The following DDX60L variants were observed in gnomAD, a reference collection of about 807,000 sequenced individuals.
The protein encoded by DDX60L is DExD/H-box 60 like, also known as probable ATP-dependent RNA helicase DDX60-like.
A neutral mutation model predicts 211.6 loss-of-function variants in DDX60L; 191 were observed. The observed-to-expected ratio is 0.90, with a 90% CI of 0.80 to 1.02. DDX60L has a LOEUF of 1.02. Among genes scored for constraint, DDX60L ranks in the 50% least tolerant of loss-of-function variants. The pLI, the probability that DDX60L is intolerant of heterozygous loss-of-function variation, is 0.00. For missense variants in DDX60L, 2,007 were observed against 1,984.1 expected (o/e 1.01, Z -0.22); for synonymous variants, 706 against 694.1 (o/e 1.02, Z -0.27).
At chr4:168,438,232 T>G (rs1753340939) in intron 10 of DDX60L, among the ~76,000 whole-genome samples, 1 of 152,308 alleles carries the variant, frequency 6.6e-6, no homozygotes, top group East Asian at 1.9e-4. Flanking sequence ...CATCTCCAAA[T>G]CTACCTATAA....
intron 4 of DDX60L, 90 bp from the exon 5 acceptor site, chr4:168,462,130 G>A (rs759875101): frequency 1.9e-5 from 18 of 947,776 alleles, no homozygotes; most frequent in Non-Finnish European, 2.5e-5. Context: ...AAGCTATACA[G>A]GACTGAACTC....
At chr4:168,396,999 A>C (rs1311956466) in intron 26 of DDX60L, among the ~76,000 whole-genome samples, 1 of 152,196 alleles carries the variant, frequency 6.6e-6, no homozygotes, top group Non-Finnish European at 1.5e-5. Context: ...GAGGTGATTA[A>C]GTCACGAAGA....
chr4:168,371,473 A>T (rs951864999), intron 36 of DDX60L, 139 bp downstream of exon 36: 4 of 284,416 alleles, frequency 1.4e-5, no homozygotes, highest in Non-Finnish European at 2.4e-5. Flanking sequence ...TCTATTTAAA[A>T]ATATATAATA....
At chr4:168,466,500 C>A (rs1758005518) in intron 4 of DDX60L, among the ~76,000 whole-genome samples, 1 of 152,110 alleles carries the variant, frequency 6.6e-6, no homozygotes, top group Non-Finnish European at 1.5e-5. Context: ...ATCAGAGATA[C>A]AACAATGACA....
Position 168,471,760 on chromosome 4 carries a change from A to G in DDX60L, c.251T>C (p.Ile84Thr). ...DLLSNGGQFT[I>T]VFFKDAEYAY... ...ATCATATATTACCTTAAAGAAAACT[A>G]TGGTGAATTGTCCTCCGTTACTCAG... The change falls in exon 4 of 38, where the codon ATA becomes ACA. Residue 84 changes from isoleucine to threonine, a missense_variant. Physicochemically the swap from Ile to Thr is moderately conservative, Grantham distance 89. Transcript: ENST00000682922. 4 of 1,594,696 alleles carry G rather than the reference A, an allele frequency of 2.5e-6. No homozygotes were observed. The highest frequency in any genetic ancestry group is 3.4e-6 in the Non-Finnish European group (4 of 1,175,528).
At chr4:168,389,521 AAGGTGC>A (rs1378008565) in intron 29 of DDX60L, among the ~76,000 whole-genome samples, 1 of 152,172 alleles carries the variant, frequency 6.6e-6, no homozygotes, top group Non-Finnish European at 1.5e-5. Context: ...AGAAGGAAGG[AAGGTGC>A]ATAGCTTCAT....
rs758283623 is a variant in DDX60L at position 168,404,124 on chromosome 4, A to G, written c.3214-18T>C. The G allele has an allele frequency of 7.8e-7, 1 of 1,276,676 alleles. No homozygotes were observed. The allele number at this position is 1,276,676 out of a possible 1,614,324, so 79.1% of individuals were successfully genotyped here. On this transcript the variant is annotated intron_variant, in intron 24 of 37. Transcript: ENST00000682922. ...CTTTTGACCTACAACAGTAAGTAAA[A>G]ATTATTTAAAAAAAAAAAAAGAATT...
intron 30 of DDX60L, among the ~76,000 whole-genome samples, chr4:168,383,316 G>T (rs988780477): frequency 6.6e-6 from 1 of 152,134 alleles, no homozygotes; most frequent in African/African-American, 2.4e-5. Flanking sequence ...AAAAATACTG[G>T]GGCAAAATTA....
chr4:168,372,757 G>A (rs1443093345), intron 35 of DDX60L, among the ~76,000 whole-genome samples: 7 of 151,172 alleles, frequency 4.6e-5, no homozygotes, highest in African/African-American at 7.3e-5. Flanking sequence ...GAGGGGAGTC[G>A]AGGGAAGGGG....
chr4:168,449,632 T>G (rs1450816282), intron 8 of DDX60L, among the ~76,000 whole-genome samples: 1 of 5,604 alleles, frequency 1.8e-4, no homozygotes, highest in Non-Finnish European at 3.0e-4. Flanking sequence ...AAAAAAACAT[T>G]AAAACAAAAA....
chr4:168,450,009 A>G (rs1755584641), intron 8 of DDX60L, among the ~76,000 whole-genome samples: 2 of 152,278 alleles, frequency 1.3e-5, no homozygotes, highest in East Asian at 3.9e-4. Flanking sequence ...GTTTGAAACA[A>G]AGATGATAAC....
At chr4:168,458,128 G>A in intron 5 of DDX60L, 120 bp from the exon 6 acceptor site, 3 of 548,532 alleles carry the variant, frequency 5.5e-6, no homozygotes, top group South Asian at 6.8e-5. Flanking sequence ...TGGTCAGAAT[G>A]GCGATTACTA....
At position 168,474,171 on chromosome 4, in the gene DDX60L, C is replaced by T. The variant is rs73863620; in HGVS notation, c.-110-1362G>A. On this transcript the variant is annotated intron_variant, in intron 1 of 37. Coordinates refer to ENST00000682922, the MANE Select transcript of DDX60L (RefSeq NM_001012967.3). ...TATTTGAAAAATAAAAGAGTTATAA[C>T]GAATTGGACAGGATTGCTACAGACA... 7.2e-3 allele frequency among the ~76,000 whole-genome samples: 1,096 copies of T among 152,066 alleles called. 17 individuals are homozygous for T. Among genetic ancestry groups the T allele is most frequent in the African/African-American group, 0.021 (862 of 41,498 alleles).
At chr4:168,412,492 G>T (rs1039583669) in intron 22 of DDX60L, among the ~76,000 whole-genome samples, 39 of 152,034 alleles carry the variant, frequency 2.6e-4, no homozygotes, top group African/African-American at 9.2e-4. Context: ...GTCACAGAGA[G>T]AGACTCCTCT....
chr4:168,406,712 A>G lies in DDX60L; in HGVS notation c.2980-6T>C. The G allele has an allele frequency of 6.5e-7, 1 of 1,538,934 alleles. No individual in the cohort carries two copies. The highest frequency in any genetic ancestry group is 8.8e-7 in the Non-Finnish European group (1 of 1,130,212). ...GGGAATCCATACTTTTCAATCTGTG[A>G]ATAAACAAATTAATGGATGGATGAA... On this transcript the variant is annotated splice_polypyrimidine_tract_variant and splice_region_variant and intron_variant, in intron 22 of 37. Transcript: ENST00000682922.
intron 14 of DDX60L, among the ~76,000 whole-genome samples, chr4:168,426,861 T>C (rs560555021): frequency 6.6e-6 from 1 of 152,338 alleles, no homozygotes; most frequent in African/African-American, 2.4e-5. Flanking sequence ...TGTGCCATCT[T>C]TTCCCTGTTG....
intron 36 of DDX60L, among the ~76,000 whole-genome samples, chr4:168,363,793 C>A (rs950902089): frequency 6.6e-6 from 1 of 152,032 alleles, no homozygotes; most frequent in East Asian, 1.9e-4. Context: ...AATAAAGGAA[C>A]AAAGAATCTA....
intron 33 of DDX60L, 66 bp downstream of exon 33, chr4:168,378,288 T>G: frequency 1.0e-6 from 1 of 974,794 alleles, no homozygotes. Flanking sequence ...AGGTACTGAA[T>G]GCTTTCCAGT....
intron 13 of DDX60L, among the ~76,000 whole-genome samples, chr4:168,429,127 C>T (rs2634971): frequency 0.9 from 136,402 of 152,224 alleles, 61,194 homozygotes; most frequent in East Asian, 0.99. Context: ...TTCACTGTAA[C>T]AAACTAATAT....
Sources: gnomAD v4.1 joint callset for allele counts (sites outside exome capture counted in the v4.1 genomes callset) on GRCh38, gnomAD v4.1.1 for gene constraint, MANE v1.5 for transcripts, NCBI Gene and HGNC (gene_info 2026-07-23, HGNC 2026-07-21) for gene names.